Variants in PAN3 observed in about 807,000 individuals in gnomAD.
The protein encoded by PAN3 is PAN2-PAN3 deadenylation complex subunit PAN3.
A neutral mutation model predicts 96.2 loss-of-function variants in PAN3; 19 were observed. That is an observed-to-expected ratio of 0.20 (90% CI 0.14 to 0.29). The LOEUF (loss-of-function observed/expected upper bound fraction) is 0.29. Among genes scored for constraint, PAN3 ranks in the 10% least tolerant of loss-of-function variants. The pLI is 1.00. For missense variants in PAN3, 882 were observed against 1,108.1 expected (o/e 0.80, Z 2.90); for synonymous variants, 433 against 406.6 (o/e 1.06, Z -0.78).
chr13:28,272,218 T>G, intron 14 of PAN3, 147 bp downstream of exon 14: 1 of 464,340 alleles, frequency 2.2e-6, no homozygotes, highest in East Asian at 3.6e-5. Context: ...TATCTCCCCC[T>G]CCCCTCCCTC....
At chr13:28,257,718 T>TATA (rs1566234938) in intron 7 of PAN3, among the ~76,000 whole-genome samples, 1 of 138,984 alleles carries the variant, frequency 7.2e-6, no homozygotes, top group African/African-American at 2.7e-5. Flanking sequence ...TTATATATAA[T>TATA]TAATATATAT....
At position 28,280,490 on chromosome 13, in the gene PAN3, A is replaced by G. The variant is rs1280888034; in HGVS notation, c.2268A>G (p.Gln756=). 5 of 1,613,042 alleles carry G rather than the reference A, an allele frequency of 3.1e-6. No individual in the cohort carries two copies. Among genetic ancestry groups the G allele is most frequent in the Non-Finnish European group, 3.4e-6 (4 of 1,179,476 alleles). The change falls in exon 16 of 19, where the codon CAA becomes CAG. Residue 756 remains glutamine, a synonymous_variant. Transcript: ENST00000380958. ...TGATTGGTGCTCGATTTTATACTCA[A>G]TTGGATGCTGCTCAAATGAGAAATG... is the stretch of plus-strand genomic sequence containing the variant. ...MPMIGARFYT[Q]LDAAQMRNDV...
intron 6 of PAN3, among the ~76,000 whole-genome samples, chr13:28,230,360 T>A (rs1425010835): frequency 1.3e-5 from 2 of 151,928 alleles, no homozygotes; most frequent in Admixed American, 6.6e-5. Context: ...AGGAAATGAG[T>A]AGCATAAGTA....
At position 28,147,884 on chromosome 13, in the gene PAN3, T is replaced by A. The variant is rs556742676; in HGVS notation, c.430+8797T>A. On this transcript the variant is annotated intron_variant, in intron 1 of 18. Coordinates refer to ENST00000380958, the MANE Select transcript of PAN3 (RefSeq NM_175854.8). ...GCTTTGTCTTTTCTGATACCTCTTT[T>A]GGCATTCTCTCTCTTGCTTTTTCTG... Among the ~76,000 whole-genome samples the A allele has an allele frequency of 2.0e-5, 3 of 152,266 alleles. No individual in the cohort carries two copies. The East Asian group carries it at 5.8e-4, about 29-fold the overall frequency.
At chr13:28,223,859 C>A (rs1881679868) in intron 6 of PAN3, among the ~76,000 whole-genome samples, 2 of 146,992 alleles carry the variant, frequency 1.4e-5, no homozygotes, top group Admixed American at 1.4e-4. Flanking sequence ...AATTTTTGTG[C>A]CATGAAAAGT....
rs189608790 is a variant in PAN3 at position 28,270,005 on chromosome 13, A to G, written c.1793-696A>G. ...CACTTAGGGAGGCTGAGGCAGGTAG[A>G]TCATTTGAGCCCAGGAGTTGGAGAT... On this transcript the variant is annotated intron_variant, in intron 12 of 18. Coordinates refer to ENST00000380958, the MANE Select transcript of PAN3 (RefSeq NM_175854.8). 2.6e-4 allele frequency among the ~76,000 whole-genome samples: 39 copies of G among 152,308 alleles called. No homozygotes were observed. The East Asian group carries it at 6.9e-3, about 27-fold the overall frequency.
chr13:28,245,045 C>T (rs1373612402), intron 6 of PAN3, among the ~76,000 whole-genome samples: 2 of 152,082 alleles, frequency 1.3e-5, no homozygotes, highest in Non-Finnish European at 2.9e-5. Flanking sequence ...GACAGGGTTT[C>T]ACCATGTTGC....
intron 4 of PAN3, among the ~76,000 whole-genome samples, chr13:28,195,463 C>T (rs1877933660): frequency 6.6e-6 from 1 of 152,068 alleles, no homozygotes; most frequent in African/African-American, 2.4e-5. Context: ...AGTAGGCATT[C>T]TAGTTACCTT....
intron 6 of PAN3, among the ~76,000 whole-genome samples, chr13:28,242,487 A>G (rs1883766179): frequency 6.6e-6 from 1 of 152,214 alleles, no homozygotes; most frequent in South Asian, 2.1e-4. Context: ...CCATAGAACA[A>G]TTGAATCACA....
At chr13:28,158,717 A>G (rs1157648074) in intron 1 of PAN3, among the ~76,000 whole-genome samples, 1 of 152,154 alleles carries the variant, frequency 6.6e-6, no homozygotes, top group African/African-American at 2.4e-5. Context: ...TCTCTACTAA[A>G]TATACAAAAA....
At chr13:28,239,162 AACACAC>A (rs71086840) in intron 6 of PAN3, among the ~76,000 whole-genome samples, 41 of 76,820 alleles carry the variant, frequency 5.3e-4, no homozygotes, top group African/African-American at 6.6e-4. Flanking sequence ...CACCCCCGCC[AACACAC>A]ACACACACAC....
At chr13:28,174,516 G>A in intron 2 of PAN3, 123 bp downstream of exon 2, 2 of 1,118,788 alleles carry the variant, frequency 1.8e-6, no homozygotes, top group Non-Finnish European at 2.5e-6. Flanking sequence ...GCAGTGAGAT[G>A]GGTGAGATGT....
At chr13:28,276,882 CTA>C (rs1887104741) in intron 14 of PAN3, among the ~76,000 whole-genome samples, 1 of 152,104 alleles carries the variant, frequency 6.6e-6, no homozygotes, top group African/African-American at 2.4e-5. Context: ...AATATTACCT[CTA>C]TTTAAATAAG....
chr13:28,174,828 G>A (rs1160403743), intron 2 of PAN3, among the ~76,000 whole-genome samples: 1 of 152,186 alleles, frequency 6.6e-6, no homozygotes, highest in East Asian at 1.9e-4. Flanking sequence ...CAAGTTTCCT[G>A]TGTATCCTCT....
chr13:28,183,041 A>T (rs1876002800), intron 4 of PAN3, among the ~76,000 whole-genome samples: 1 of 152,204 alleles, frequency 6.6e-6, no homozygotes, highest in African/African-American at 2.4e-5. Flanking sequence ...ATGGAAAAAG[A>T]TAAAGTAAAT....
At chr13:28,274,797 A>G (rs1307277960) in intron 14 of PAN3, among the ~76,000 whole-genome samples, 1 of 152,112 alleles carries the variant, frequency 6.6e-6, no homozygotes, top group Non-Finnish European at 1.5e-5. Context: ...GATTTTTTAT[A>G]TTGCTTATTA....
intron 8 of PAN3, 58 bp from the exon 9 acceptor site, chr13:28,261,343 G>A: frequency 8.2e-7 from 1 of 1,226,146 alleles, no homozygotes; most frequent in Non-Finnish European, 1.1e-6. Flanking sequence ...AATTATAATA[G>A]GAATTCCAGG....
chr13:28,282,084 A>G (rs1430028135), intron 17 of PAN3, among the ~76,000 whole-genome samples: 1 of 152,044 alleles, frequency 6.6e-6, no homozygotes, highest in South Asian at 2.1e-4. Flanking sequence ...CCTAAAGTAT[A>G]CTTTTTATAG....
chr13:28,138,589 T>C lies in PAN3; in HGVS notation c.-69T>C, dbSNP rs770264934. ...CGGCACCGGCAGCGTCTTCCTTTCC[T>C]CCCCCGTCTATGGTGGTGGCGGCGG... On this transcript the variant is annotated 5_prime_UTR_variant, in exon 1 of 19. Transcript: ENST00000380958. The C allele has an allele frequency of 2.4e-6, 1 of 417,896 alleles. No homozygotes were observed. The highest frequency in any genetic ancestry group is 4.3e-5 in the South Asian group (1 of 23,470). The allele number at this position is 417,896 out of a possible 1,614,324, so 25.9% of individuals were successfully genotyped here.
Sources: allele counts gnomAD v4.1 joint callset (sites outside exome capture counted in the v4.1 genomes callset), GRCh38; gene constraint gnomAD v4.1.1; transcripts MANE v1.5; gene names NCBI Gene and HGNC (gene_info 2026-07-23, HGNC 2026-07-21).